The following USPL1 variants were observed in gnomAD, a reference collection of about 807,000 sequenced individuals.
USPL1 encodes ubiquitin specific peptidase like 1.
Under a neutral mutation model 51.5 loss-of-function variants are expected in USPL1, and 27 were observed. The ratio of observed to expected loss-of-function variants is 0.52; its 90% CI spans 0.39 to 0.72. The LOEUF is 0.72. Among genes scored for constraint, USPL1 ranks in the 30% least tolerant of loss-of-function variants. USPL1 has a pLI of 0.00. For synonymous variants in USPL1, 451 were observed against 459.6 expected (o/e 0.98, Z 0.24); for missense variants, 1,226 against 1,268.0 (o/e 0.97, Z 0.50).
intron 3 of USPL1, among the ~76,000 whole-genome samples, chr13:30,623,560 A>G (rs2137607154): frequency 6.6e-6 from 1 of 150,808 alleles, no homozygotes; most frequent in East Asian, 1.9e-4. Context: ...ACAGAGCTAA[A>G]AGTCTTGGAA....
At chr13:30,632,169 T>A (rs572473742) in intron 4 of USPL1, among the ~76,000 whole-genome samples, 1 of 152,054 alleles carries the variant, frequency 6.6e-6, no homozygotes, top group Non-Finnish European at 1.5e-5. Flanking sequence ...CCTGTGTCCA[T>A]GTGTTCTCAT....
intron 6 of USPL1, among the ~76,000 whole-genome samples, chr13:30,643,609 C>A (rs1185343959): frequency 7.7e-6 from 1 of 130,598 alleles, no homozygotes; most frequent in Non-Finnish European, 1.6e-5. Flanking sequence ...CACCCCCCCC[C>A]GCCCTTTTTT....
At chr13:30,636,989 A>C (rs377203042) in intron 4 of USPL1, among the ~76,000 whole-genome samples, 28 of 152,334 alleles carry the variant, frequency 1.8e-4, no homozygotes, top group African/African-American at 6.0e-4. Flanking sequence ...TCACTTGCCC[A>C]GGCTGGAGTG....
intron 8 of USPL1, 38 bp downstream of exon 8, chr13:30,653,343 T>C (rs1951116642): frequency 3.3e-6 from 5 of 1,511,564 alleles, no homozygotes; most frequent in East Asian, 2.4e-5. Context: ...ATAATTGGCA[T>C]AGAAACTAAA....
Position 30,659,389 on chromosome 13 carries a change from T to G in USPL1, c.*33T>G, listed in dbSNP as rs1168510392. 6.2e-6 allele frequency: 9 copies of G among 1,458,550 alleles called. No individual in the cohort carries two copies. Among genetic ancestry groups the G allele is most frequent in the Non-Finnish European group, 7.3e-6 (8 of 1,095,870 alleles). The allele number at this position is 1,458,550 out of a possible 1,614,324, so 90.4% of individuals were successfully genotyped here. ...CTTGTTAACTTTTTTCATATAATAT[T>G]TATTATTATTAGAAGAACTTACAAT... On this transcript the variant is annotated 3_prime_UTR_variant, in exon 9 of 9. Transcript: ENST00000255304.
intron 3 of USPL1, among the ~76,000 whole-genome samples, chr13:30,623,835 T>G (rs1380568293): frequency 6.6e-6 from 1 of 152,180 alleles, no homozygotes; most frequent in Non-Finnish European, 1.5e-5. Flanking sequence ...TGGGGGCTGG[T>G]GCCGTGTAGG....
rs1951204595 is a variant in USPL1 at position 30,658,572 on chromosome 13, C to G, written c.2495C>G (p.Pro832Arg). ...PPPISKPPAGPPSSNGTAAHP... is the reference protein window; with the variant it reads ...PPPISKPPAGRPSSNGTAAHP... ...CCCATCAGTAAGCCACCAGCAGGCC[C>G]TCCATCGTCTAATGGCACAGCTGCC... The change falls in exon 9 of 9, where the codon CCT (proline) becomes CGT (arginine). Residue 832 changes from proline (P) to arginine (R), a missense_variant. By Grantham distance (103) the Pro-to-Arg change is moderately radical (BLOSUM62 -2). Coordinates refer to ENST00000255304, the MANE Select transcript of USPL1 (RefSeq NM_005800.5). 2 of 1,614,076 alleles carry G rather than the reference C, an allele frequency of 1.2e-6. No homozygotes were observed. Among genetic ancestry groups the G allele is most frequent in the African/African-American group, 2.7e-5 (2 of 74,930 alleles).
At chr13:30,648,608 G>A (rs144828490) in intron 7 of USPL1, among the ~76,000 whole-genome samples, 36 of 152,240 alleles carry the variant, frequency 2.4e-4, no homozygotes, top group African/African-American at 7.7e-4. Context: ...CACTTTGCCC[G>A]TTCTGCTGGG....
At chr13:30,619,233 G>T (rs571244739) in intron 1 of USPL1, among the ~76,000 whole-genome samples, 1 of 152,156 alleles carries the variant, frequency 6.6e-6, no homozygotes, top group Admixed American at 6.5e-5. Flanking sequence ...TTTGGAAGAA[G>T]AACTGGGGAG....
rs189361483 is a variant in USPL1 at position 30,633,171 on chromosome 13, T to C, written c.868+1697T>C. ...CTGAAAGTAGATGAGTATAGTACAG[T>C]AATATATTTTGAGAGAGAGGGAGAC... On this transcript the variant is annotated intron_variant, in intron 4 of 8. Transcript: ENST00000255304. Among the ~76,000 whole-genome samples the C allele has an allele frequency of 9.8e-5, 15 of 152,340 alleles. No individual in the cohort carries two copies. In the East Asian group the frequency reaches 1.9e-3, roughly 20 times the overall value.
chr13:30,643,603 C>T (rs908506034), intron 6 of USPL1, among the ~76,000 whole-genome samples: 1 of 127,048 alleles, frequency 7.9e-6, no homozygotes, highest in East Asian at 2.1e-4. Context: ...TCTTTCCACC[C>T]CCCCCCGCCC....
At chr13:30,651,044 G>A (rs150303989) in intron 7 of USPL1, among the ~76,000 whole-genome samples, 192 of 152,066 alleles carry the variant, frequency 1.3e-3, no homozygotes, top group Non-Finnish European at 8.5e-4. Flanking sequence ...AAAGTAGTAT[G>A]GAGGCCATAC....
intron 4 of USPL1, among the ~76,000 whole-genome samples, chr13:30,635,485 C>T (rs777172018): frequency 1.1e-4 from 17 of 152,142 alleles, no homozygotes; most frequent in Non-Finnish European, 1.8e-4. Flanking sequence ...CAATTTTATT[C>T]TCTTGGTTAC....
chr13:30,647,530 A>T (rs997263932), intron 7 of USPL1, among the ~76,000 whole-genome samples: 8 of 151,954 alleles, frequency 5.3e-5, no homozygotes, highest in African/African-American at 1.9e-4. Flanking sequence ...ATATATTTTC[A>T]TTGTATTTTG....
At chr13:30,642,061 C>T (rs1420231040) in intron 5 of USPL1, among the ~76,000 whole-genome samples, 1 of 152,096 alleles carries the variant, frequency 6.6e-6, no homozygotes, top group Non-Finnish European at 1.5e-5. Flanking sequence ...TGTGTAGCAC[C>T]ACTCTCAGCT....
intron 6 of USPL1, among the ~76,000 whole-genome samples, chr13:30,645,946 G>A (rs930106442): frequency 1.3e-5 from 2 of 152,218 alleles, no homozygotes. Flanking sequence ...CTTACTTGCT[G>A]AGACAGTCTC....
intron 1 of USPL1, among the ~76,000 whole-genome samples, chr13:30,618,556 C>T (rs1484732025): frequency 6.6e-6 from 1 of 151,990 alleles, no homozygotes; most frequent in Non-Finnish European, 1.5e-5. Context: ...CAGCTGTTTC[C>T]CTGGGTTTCT....
At chr13:30,650,950 C>T (rs1951082954) in intron 7 of USPL1, among the ~76,000 whole-genome samples, 1 of 151,592 alleles carries the variant, frequency 6.6e-6, no homozygotes, top group Non-Finnish European at 1.5e-5. Flanking sequence ...AGATCGTGCC[C>T]TGCACTCCAA....
In USPL1 at chr13:30,621,896, A is replaced by G. The variant is rs779075830; in HGVS notation, c.228+4A>G. On this transcript the variant is annotated splice_donor_region_variant and intron_variant, in intron 3 of 8. Coordinates refer to ENST00000255304, the MANE Select transcript of USPL1 (RefSeq NM_005800.5). ...CTTTTTGTGTGAGGATCTGCAGGTA[A>G]AGTATTAATCTTATATAGTATATAT... 3 of 1,535,968 alleles carry G rather than the reference A, an allele frequency of 2.0e-6. No individual in the cohort carries two copies. In the African/African-American group the frequency reaches 4.2e-5, roughly 22 times the overall value.
Sources: allele counts gnomAD v4.1 joint callset (sites outside exome capture counted in the v4.1 genomes callset), GRCh38; gene constraint gnomAD v4.1.1; transcripts MANE v1.5; gene names NCBI Gene and HGNC (gene_info 2026-07-23, HGNC 2026-07-21).